The following MPDU1 variants were observed in gnomAD, a reference collection of about 807,000 sequenced individuals.
MPDU1 encodes the protein mannose-P-dolichol utilization defect 1, also known as mannose-P-dolichol utilization defect 1 protein.
A neutral mutation model predicts 27.6 loss-of-function variants in MPDU1; 18 were observed. The observed-to-expected ratio is 0.65, with a 90% CI of 0.45 to 0.97. The LOEUF is 0.97. Ranked by LOEUF, MPDU1 falls within the 50% of genes least tolerant of loss-of-function variation. The pLI is 0.00. For synonymous variants in MPDU1, 142 were observed against 131.1 expected, an observed-to-expected ratio of 1.08 and a Z score of -0.57; for missense variants, 279 against 297.4, an observed-to-expected ratio of 0.94 and a Z score of 0.46.
Position 7,587,409 on chromosome 17 carries a change from C to G in MPDU1, c.619-17C>G, listed in dbSNP as rs895626831. Reference sequence around the variant, plus strand: ...GCTATGCTGAAGGGTAACCCTGGCTCTGTCTCTTGCAACCAGGAAACCGGA... The same window carrying G: ...GCTATGCTGAAGGGTAACCCTGGCTGTGTCTCTTGCAACCAGGAAACCGGA... On this transcript the variant is annotated splice_polypyrimidine_tract_variant and intron_variant, in intron 6 of 6. Transcript: ENST00000250124. 20 of 1,613,928 alleles carry G rather than the reference C, an allele frequency of 1.2e-5. No homozygotes were observed. The African/African-American group carries it at 2.7e-4, about 22-fold the overall frequency.
Position 7,588,071 on chromosome 17 carries a change from G to GT in MPDU1, c.*521dup. The GT allele has an allele frequency of 1.8e-6, 1 of 552,228 alleles. No homozygotes were observed. The highest frequency in any genetic ancestry group is 3.4e-6 in the Non-Finnish European group (1 of 290,626). The allele number at this position is 552,228 out of a possible 1,614,324, so 34.2% of individuals were successfully genotyped here. A position where few individuals can be genotyped will look rare whatever the true frequency, so the allele number is the denominator to read the frequency against. On this transcript the variant is annotated 3_prime_UTR_variant, in exon 7 of 7. Coordinates refer to ENST00000250124, the MANE Select transcript of MPDU1 (RefSeq NM_004870.4). ...GACTCAGGCAGGGCCCCAGGGTGGGGTGAGGAGGTTCCTGCTCTGGCAGGT... is the reference window on the plus strand; with the variant it reads ...GACTCAGGCAGGGCCCCAGGGTGGGGTTGAGGAGGTTCCTGCTCTGGCAGGT...
At chr17:7,584,079 C>T in intron 1 of MPDU1, 114 bp downstream of exon 1, 1 of 1,067,756 alleles carries the variant, frequency 9.4e-7, no homozygotes, top group Non-Finnish European at 1.4e-6. Flanking sequence ...CCGAGCTGGA[C>T]GGAAGTCACT....
rs1314501068 is a variant in MPDU1, at chr17:7,586,950, C to T, written c.440C>T (p.Pro147Leu). 6.2e-7 allele frequency: 1 copy of T among 1,613,756 alleles called. No homozygotes were observed. Among genetic ancestry groups the T allele is most frequent in the Admixed American group, 1.7e-5 (1 of 59,972 alleles). ...CTGGTCCTGCTGGTGCTTCTCTCACCTCTGACGCCCTTGACTGTAGTCACC... is the reference window on the plus strand; with the variant it reads ...CTGGTCCTGCTGGTGCTTCTCTCACTTCTGACGCCCTTGACTGTAGTCACC... ...YGLVLLVLLS[P>L]LTPLTVVTLL... The change falls in exon 5 of 7, where the codon CCT becomes CTT. Residue 147 changes from proline (P) to leucine (L), a missense_variant. By Grantham distance (98) the Pro-to-Leu change is moderately conservative (BLOSUM62 -3). Transcript: ENST00000250124.
chr17:7,586,840 TC>T, intron 4 of MPDU1, 58 bp from the exon 5 acceptor site: 2 of 1,611,236 alleles, frequency 1.2e-6, no homozygotes, highest in Non-Finnish European at 1.7e-6. Flanking sequence ...GGAACTCAGG[TC>T]TGGGAAAGCC....
intron 3 of MPDU1, 80 bp from the exon 4 acceptor site, chr17:7,586,612 C>T (rs955434451): frequency 3.3e-6 from 4 of 1,216,074 alleles, no homozygotes; most frequent in Non-Finnish European, 3.7e-6. Context: ...AGCATAGTGT[C>T]CCTGGATGGA....
Position 7,585,804 on chromosome 17 carries a change from C to T in MPDU1, c.169+7C>T. ...GTGGCTGGCTCACTTCTAGGTATGT[C>T]TCTTATCTTTCTTTCCAGCTGTTGG... On this transcript the variant is annotated splice_region_variant and intron_variant, in intron 2 of 6. Transcript: ENST00000250124. 1 of 1,614,068 alleles carries T rather than the reference C, an allele frequency of 6.2e-7. No homozygotes were observed. Among genetic ancestry groups the T allele is most frequent in the South Asian group, 1.1e-5 (1 of 91,076 alleles).
At position 7,586,740 on chromosome 17, in the gene MPDU1, C is replaced by T. The variant is rs939071585; in HGVS notation, c.351C>T (p.Cys117=). The T allele has an allele frequency of 6.2e-7, 1 of 1,614,174 alleles. No individual in the cohort carries two copies. ...LFLMLQTITI[C]FLVMHYRGQT... ...TGATGCTCCAGACGATCACCATCTG[C>T]TTCCTGGTCATGCACTACAGAGGAC... The change falls in exon 4 of 7, where the codon TGC becomes TGT. Residue 117 remains cysteine (C), a synonymous_variant. Coordinates refer to ENST00000250124, the MANE Select transcript of MPDU1 (RefSeq NM_004870.4).
At position 7,587,481 on chromosome 17, in the gene MPDU1, G is replaced by A; in HGVS notation, c.674G>A (p.Gly225Asp). 1 of 1,613,734 alleles carries A rather than the reference G, an allele frequency of 6.2e-7. No homozygotes were observed. Among genetic ancestry groups the A allele is most frequent in the Non-Finnish European group, 8.5e-7 (1 of 1,179,976 alleles). The change falls in exon 7 of 7, where the codon GGC becomes GAC. Residue 225 changes from glycine to aspartate, a missense_variant. By Grantham distance (94) the Gly-to-Asp change is moderately conservative (BLOSUM62 -1). Transcript: ENST00000250124. The part of the protein sequence containing the change: ...GTFVVSSLCN[G>D]LIAAQLLFYW... ...TTTGTGGTCTCCTCTCTCTGCAACG[G>A]CCTCATCGCCGCCCAGCTGCTCTTC... is the stretch of plus-strand genomic sequence containing the variant.
chr17:7,583,780 C>T (rs901732364), upstream of MPDU1: 18 of 1,422,958 alleles, frequency 1.3e-5, no homozygotes, highest in African/African-American at 4.2e-5. Flanking sequence ...GGGAAAAGAA[C>T]GGGAGGCGGA....
rs1452719895 is a variant in MPDU1, at chr17:7,585,765, T to C, written c.137T>C (p.Leu46Pro). ...CTCAAGATTCTCCTCAGCAAAGGCC[T>C]GGGGCTGGGCATTGTGGCTGGCTCA... is the stretch of plus-strand genomic sequence containing the variant. ...PCLKILLSKGLGLGIVAGSLL... is the reference protein window; with the variant it reads ...PCLKILLSKGPGLGIVAGSLL... Residue 46 changes from leucine to proline, a missense_variant, in exon 2 of 7, where the codon CTG becomes CCG. Physicochemically the swap from Leu to Pro is moderately conservative, Grantham distance 98 (BLOSUM62 -3). Coordinates refer to ENST00000250124, the MANE Select transcript of MPDU1 (RefSeq NM_004870.4). 6.2e-7 allele frequency: 1 copy of C among 1,614,162 alleles called. No homozygotes were observed. The highest frequency in any genetic ancestry group is 1.1e-5 in the South Asian group (1 of 91,088).
At position 7,585,589 on chromosome 17, in the gene MPDU1, C is replaced by G. The variant is rs2071568555; in HGVS notation, c.104-143C>G. The G allele has an allele frequency of 1.8e-5, 13 of 734,226 alleles. 1 individual carries two copies. The highest frequency in any genetic ancestry group is 3.1e-5 in the Non-Finnish European group (13 of 423,124). 45.5% of individuals were successfully genotyped at this position (734,226 alleles called of 1,614,324 possible). A position where few individuals can be genotyped will look rare whatever the true frequency, so the allele number is the denominator to read the frequency against. On this transcript the variant is annotated intron_variant, in intron 1 of 6. Transcript: ENST00000250124. ...GGAGCAGGAAGGACCAGGACTTTCT[C>G]ACTGCCCTCCGCCTCTCCTCCCCCC...
intron 3 of MPDU1, chr17:7,586,352 T>C: frequency 2.0e-6 from 1 of 510,306 alleles, no homozygotes; most frequent in Non-Finnish European, 3.6e-6. Flanking sequence ...GGCAGGAGAA[T>C]CACTTGAACC....
intron 1 of MPDU1, among the ~76,000 whole-genome samples, chr17:7,585,324 G>C (rs1158486658): frequency 6.6e-6 from 1 of 151,960 alleles, no homozygotes; most frequent in Non-Finnish European, 1.5e-5. Context: ...ATCATCTGAG[G>C]TCAGGAGTTC....
chr17:7,586,091 C>T lies in MPDU1; in HGVS notation c.302+13C>T, dbSNP rs377369861. 2.5e-6 allele frequency: 4 copies of T among 1,612,988 alleles called. No homozygotes were observed. The highest frequency in any genetic ancestry group is 1.7e-6 in the Non-Finnish European group (2 of 1,179,910). ...ACTTCCCATTCAGGTGAGGGGCCCA[C>T]CCTTCCACCCCAAGGGTAATACCCA... is the stretch of plus-strand genomic sequence containing the variant. On this transcript the variant is annotated intron_variant, in intron 3 of 6. Transcript: ENST00000250124.
chr17:7,586,416 G>A (rs1438551554), intron 3 of MPDU1: 10 of 533,238 alleles, frequency 1.9e-5, no homozygotes, highest in Non-Finnish European at 3.0e-5. Context: ...TCCAGCCTGG[G>A]CAACAAGAGC....
At position 7,587,234 on chromosome 17, in the gene MPDU1, T is replaced by A; in HGVS notation, c.581T>A (p.Phe194Tyr). ...QLSAITVFLLFGGSLARIFTS... is the reference protein window; with the variant it reads ...QLSAITVFLLYGGSLARIFTS... ...TCAGCCATCACAGTCTTCCTGCTGT[T>A]TGGGGGCTCCCTGGCCCGAATCTTC... The change falls in exon 6 of 7, where the codon TTT becomes TAT. Residue 194 changes from phenylalanine to tyrosine, a missense_variant. Physicochemically the swap from Phe to Tyr is conservative, Grantham distance 22 (BLOSUM62 3). Transcript: ENST00000250124. The A allele has an allele frequency of 6.2e-7, 1 of 1,614,064 alleles. No individual in the cohort carries two copies. The highest frequency in any genetic ancestry group is 8.5e-7 in the Non-Finnish European group (1 of 1,180,014).
chr17:7,587,443 G>A lies in MPDU1; in HGVS notation c.636G>A (p.Leu212=). The A allele has an allele frequency of 6.2e-7, 1 of 1,613,970 alleles. No homozygotes were observed. Among genetic ancestry groups the A allele is most frequent in the Non-Finnish European group, 8.5e-7 (1 of 1,180,000 alleles). The change falls in exon 7 of 7, where the codon CTG becomes CTA. Residue 212 remains leucine (L), a synonymous_variant. Transcript: ENST00000250124. ...FTSIQETGDP[L]MAGTFVVSSL... is the part of the protein sequence containing the mutation. The stretch of plus-strand genomic sequence containing the variant: ...GCAACCAGGAAACCGGAGATCCCCT[G>A]ATGGCTGGGACCTTTGTGGTCTCCT...
rs775414004 is a variant in MPDU1 at position 7,587,933 on chromosome 17, G to A, written c.*382G>A. On this transcript the variant is annotated 3_prime_UTR_variant, in exon 7 of 7. Transcript: ENST00000250124. The stretch of plus-strand genomic sequence containing the variant: ...TTCCCTTCTGGCCCTGGAAGACTGA[G>A]TCTGGACGGCAGAGTGGAGGGACTG... The A allele has an allele frequency of 2.7e-5, 13 of 481,918 alleles. No individual in the cohort carries two copies. The highest frequency in any genetic ancestry group is 2.0e-4 in the South Asian group (13 of 64,780). The allele number at this position is 481,918 out of a possible 1,614,324, so 29.9% of individuals were successfully genotyped here. A position where few individuals can be genotyped will look rare whatever the true frequency, so the allele number is the denominator to read the frequency against.
At chr17:7,586,162 G>A in intron 3 of MPDU1, 84 bp downstream of exon 3, 1 of 1,555,526 alleles carries the variant, frequency 6.4e-7, no homozygotes, top group East Asian at 2.3e-5. Flanking sequence ...AGGCAGCAAA[G>A]TGGCCGGGCC....
Sources: gnomAD v4.1 joint callset for allele counts (sites outside exome capture counted in the v4.1 genomes callset) on GRCh38, gnomAD v4.1.1 for gene constraint, MANE v1.5 for transcripts, NCBI Gene and HGNC (gene_info 2026-07-23, HGNC 2026-07-21) for gene names.